Variants in GRM7 observed in about 807,000 individuals in gnomAD.
GRM7 encodes glutamate metabotropic receptor 7, also known as metabotropic glutamate receptor 7.
A neutral mutation model predicts 84.5 loss-of-function variants in GRM7; 35 were observed. The observed-to-expected ratio is 0.41, with a 90% CI of 0.32 to 0.55. The LOEUF is 0.55. GRM7 is among the 20% of genes least tolerant of loss of function. GRM7 has a pLI of 0.19. For synonymous variants in GRM7, 487 were observed against 455.1 expected (o/e 1.07, Z -0.89); for missense variants, 1,003 against 1,194.6 (o/e 0.84, Z 2.36).
intron 9 of GRM7, among the ~76,000 whole-genome samples, chr3:7,713,164 G>A (rs940868220): frequency 6.6e-5 from 5 of 75,614 alleles, no homozygotes; most frequent in African/African-American, 2.7e-4. Context: ...AGACAATCTT[G>A]CTTTGTCACC....
intron 1 of GRM7, among the ~76,000 whole-genome samples, chr3:6,971,442 C>T (rs1040796499): frequency 1.3e-5 from 2 of 152,168 alleles, no homozygotes; most frequent in African/African-American, 4.8e-5. Flanking sequence ...TAGAGTGCAG[C>T]TCCTATGAAC....
At chr3:7,561,486 T>C (rs1451158028) in intron 7 of GRM7, 2 of 456,246 alleles carry the variant, frequency 4.4e-6, no homozygotes, top group Admixed American at 4.7e-5. Flanking sequence ...CAAGATGATG[T>C]TAGAAGGATG....
intron 7 of GRM7, among the ~76,000 whole-genome samples, chr3:7,480,996 T>G (rs1395563498): frequency 6.6e-6 from 1 of 152,090 alleles, no homozygotes; most frequent in Non-Finnish European, 1.5e-5. Context: ...GAGAGTAATA[T>G]GAAAGTATGC....
chr3:7,003,253 C>CA, intron 1 of GRM7, among the ~76,000 whole-genome samples: 1 of 152,074 alleles, frequency 6.6e-6, no homozygotes, highest in African/African-American at 2.4e-5. Context: ...GTTCTCACCA[C>CA]AAAAAATAAA....
At position 7,326,170 on chromosome 3, in the gene GRM7, C is replaced by CA. The variant is rs5846504; in HGVS notation, c.1033+19528dup. Among the ~76,000 whole-genome samples, 216 of 132,154 alleles carry CA rather than the reference C, an allele frequency of 1.6e-3. 3 individuals are homozygous for CA. The South Asian group carries it at 0.022, about 13-fold the overall frequency. 86.7% of individuals were successfully genotyped at this position (132,154 alleles called of 152,430 possible). A position where few individuals can be genotyped will look rare whatever the true frequency, so the allele number is the denominator to read the frequency against. On this transcript the variant is annotated intron_variant, in intron 4 of 9. Coordinates refer to ENST00000357716, the MANE Select transcript of GRM7 (RefSeq NM_000844.4). ...TCAACATCTGTTGAACAACAGTAGG[C>CA]AAAAAAAAAAGAAAAAAAAACACAT...
chr3:7,247,839 G>T (rs117435313), intron 2 of GRM7, among the ~76,000 whole-genome samples: 2 of 151,776 alleles, frequency 1.3e-5, no homozygotes, highest in South Asian at 4.2e-4. Flanking sequence ...GAAAATATAC[G>T]AAAAGTAAAT....
At chr3:7,519,590 A>G (rs1700516540) in intron 7 of GRM7, among the ~76,000 whole-genome samples, 1 of 152,234 alleles carries the variant, frequency 6.6e-6, no homozygotes, top group Non-Finnish European at 1.5e-5. Context: ...ACAACGAAGC[A>G]AAATTAGAGT....
intron 1 of GRM7, among the ~76,000 whole-genome samples, chr3:7,071,483 C>G (rs577430991): frequency 6.6e-6 from 1 of 151,890 alleles, no homozygotes; most frequent in African/African-American, 2.4e-5. Flanking sequence ...ACCCAGCTTC[C>G]TTCATGTTTT....
chr3:7,204,472 C>G (rs1371386964), intron 2 of GRM7, among the ~76,000 whole-genome samples: 2 of 152,200 alleles, frequency 1.3e-5, no homozygotes, highest in South Asian at 2.1e-4. Flanking sequence ...ATTGGCTTAG[C>G]CTTGCATTCC....
intron 7 of GRM7, among the ~76,000 whole-genome samples, chr3:7,480,023 G>T: frequency 6.6e-6 from 1 of 152,144 alleles, no homozygotes; most frequent in Non-Finnish European, 1.5e-5. Flanking sequence ...TACCGCACTT[G>T]TCAGACAAAG....
chr3:6,953,718 G>C (rs1692894027), intron 1 of GRM7, among the ~76,000 whole-genome samples: 1 of 152,188 alleles, frequency 6.6e-6, no homozygotes, highest in East Asian at 1.9e-4. Context: ...CATACAAAAG[G>C]AAGCCATGAT....
At chr3:7,430,570 A>G (rs1423095215) in intron 5 of GRM7, among the ~76,000 whole-genome samples, 2 of 152,258 alleles carry the variant, frequency 1.3e-5, no homozygotes, top group Non-Finnish European at 2.9e-5. Context: ...AGTTAGGCAC[A>G]TACCGATCTG....
At chr3:7,651,099 C>T (rs1193133590) in intron 8 of GRM7, among the ~76,000 whole-genome samples, 4 of 152,194 alleles carry the variant, frequency 2.6e-5, no homozygotes, top group Admixed American at 1.3e-4. Flanking sequence ...ATACAGTTCA[C>T]GTCTTCTCCT....
chr3:7,125,002 G>T (rs984189383), intron 1 of GRM7, among the ~76,000 whole-genome samples: 1 of 151,978 alleles, frequency 6.6e-6, no homozygotes, highest in African/African-American at 2.4e-5. Flanking sequence ...GCAGTGGCGC[G>T]GGTCTCAGCT....
chr3:6,971,805 A>G (rs1259073184), intron 1 of GRM7, among the ~76,000 whole-genome samples: 1 of 152,204 alleles, frequency 6.6e-6, no homozygotes, highest in Non-Finnish European at 1.5e-5. Flanking sequence ...AGAAAGTCAC[A>G]TTGAATAAAA....
At chr3:7,064,024 A>G (rs1428312233) in intron 1 of GRM7, among the ~76,000 whole-genome samples, 1 of 151,700 alleles carries the variant, frequency 6.6e-6, no homozygotes, top group Non-Finnish European at 1.5e-5. Flanking sequence ...ATCTAAGCTG[A>G]CAGAGGATTT....
At chr3:7,602,167 A>G (rs988060345) in intron 8 of GRM7, among the ~76,000 whole-genome samples, 1 of 151,928 alleles carries the variant, frequency 6.6e-6, no homozygotes, top group East Asian at 1.9e-4. Flanking sequence ...CTTGTAAATA[A>G]AGGGATGATG....
At chr3:7,667,456 A>C (rs369268502) in intron 8 of GRM7, among the ~76,000 whole-genome samples, 27 of 152,098 alleles carry the variant, frequency 1.8e-4, no homozygotes, top group East Asian at 1.2e-3. Context: ...AACCACCAAC[A>C]CACAAAAAGT....
chr3:6,927,463 G>GAGAGAGAAAGAA (rs1553595155), intron 1 of GRM7, among the ~76,000 whole-genome samples: 2 of 93,220 alleles, frequency 2.1e-5, no homozygotes, highest in Non-Finnish European at 5.2e-5. Flanking sequence ...GAAAGAGAGA[G>GAGAGAGAAAGAA]AGAAAGAAAG....
Sources: gnomAD v4.1 joint callset for allele counts (sites outside exome capture counted in the v4.1 genomes callset) on GRCh38, gnomAD v4.1.1 for gene constraint, MANE v1.5 for transcripts, NCBI Gene and HGNC (gene_info 2026-07-23, HGNC 2026-07-21) for gene names.